The following LAMP2 variants were observed in gnomAD, a reference collection of about 807,000 sequenced individuals.
The protein encoded by LAMP2 is lysosome associated membrane protein 2, also known as lysosome-associated membrane glycoprotein 2.
A neutral mutation model predicts 25.6 loss-of-function variants in LAMP2; 4 were observed. The observed-to-expected ratio is 0.16, with a 90% CI of 0.08 to 0.36. LAMP2 has a LOEUF of 0.36. Ranked by LOEUF, LAMP2 falls within the 10% of genes least tolerant of loss-of-function variation. The pLI is 1.00. For missense variants in LAMP2, 272 were observed against 301.4 expected (o/e 0.90, Z 0.72); for synonymous variants, 108 against 112.7 (o/e 0.96, Z 0.27).
chrX:120,435,421 A>G (rs747075713), intron 8 of LAMP2, among the ~76,000 whole-genome samples: 2 of 111,885 alleles, frequency 1.8e-5, no homozygotes, highest in East Asian at 5.6e-4. Context: ...ACAATTTAAC[A>G]TTATCTACCT....
At chrX:120,438,827 T>C in intron 8 of LAMP2, 1 of 841,094 alleles carries the variant, frequency 1.2e-6, no homozygotes, top group Non-Finnish European at 1.4e-6. Context: ...TCAAAAATTG[T>C]TTTTTCTAAA....
In LAMP2 at chrX:120,427,809, T is replaced by C. The variant is rs2058504622; in HGVS notation, c.*3514A>G. Reference sequence around the variant, plus strand: ...CTGGAGGTCTTACTTCATCCTTCAGTATAAATGTCAAGTCTGAGATAATCA... The same window carrying C: ...CTGGAGGTCTTACTTCATCCTTCAGCATAAATGTCAAGTCTGAGATAATCA... On this transcript the variant is annotated 3_prime_UTR_variant, in exon 9 of 9. Transcript: ENST00000200639. 3 of 111,532 alleles carry C rather than the reference T, an allele frequency of 2.7e-5. No homozygotes were observed. Among genetic ancestry groups the C allele is most frequent in the Non-Finnish European group, 5.7e-5 (3 of 53,054 alleles). The allele number at this position is 111,532 out of a possible 1,213,427, so 9.2% of individuals were successfully genotyped here.
intron 7 of LAMP2, among the ~76,000 whole-genome samples, chrX:120,442,276 T>C (rs1197558574): frequency 9.6e-6 from 1 of 103,798 alleles, no homozygotes; most frequent in Non-Finnish European, 2.0e-5. Context: ...GGTTTTTCAG[T>C]GAAGGCCTGG....
intron 2 of LAMP2, among the ~76,000 whole-genome samples, chrX:120,456,208 G>GT (rs768302957): frequency 1.8e-5 from 2 of 108,171 alleles, no homozygotes; most frequent in African/African-American, 6.7e-5. Context: ...AATTTTTAAA[G>GT]TTTTTTTGTA....
chrX:120,455,395 GTGT>G lies in LAMP2; in HGVS notation c.356_358del (p.Asn119del). The G allele has an allele frequency of 1.7e-6, 2 of 1,209,435 alleles. No homozygotes were observed. Among genetic ancestry groups the G allele is most frequent in the Non-Finnish European group, 1.1e-6 (1 of 893,647 alleles). ...ATCAGGAAATGTTGTGTTATCACCA[GTGT>G]TGTAGGAAAATGAGACGCTGTCAAT... On this transcript the variant is annotated inframe_deletion, in exon 3 of 9. Coordinates refer to ENST00000200639, the MANE Select transcript of LAMP2 (RefSeq NM_002294.3).
Position 120,429,080 on chromosome X carries a change from A to G in LAMP2, c.*2243T>C. On this transcript the variant is annotated 3_prime_UTR_variant, in exon 9 of 9. Coordinates refer to ENST00000200639, the MANE Select transcript of LAMP2 (RefSeq NM_002294.3). ...AAGAATGTAGTATATATATACATAT[A>G]TATGTGTGTGTATATATATGTGTAT... is the stretch of plus-strand genomic sequence containing the variant. 1.6e-5 allele frequency: 9 copies of G among 547,231 alleles called. No individual in the cohort carries two copies. Among genetic ancestry groups the G allele is most frequent in the Non-Finnish European group, 2.0e-5 (9 of 452,725 alleles). The allele number at this position is 547,231 out of a possible 1,213,427, so 45.1% of individuals were successfully genotyped here. A position where few individuals can be genotyped will look rare whatever the true frequency, so the allele number is the denominator to read the frequency against.
chrX:120,436,170 A>ACACTCTCTCTCT (rs1251901451), intron 8 of LAMP2, among the ~76,000 whole-genome samples: 26 of 57,300 alleles, frequency 4.5e-4, no homozygotes, highest in African/African-American at 1.1e-3. Context: ...ACACACACAC[A>ACACTCTCTCTCT]CTCTCTCTCT....
chrX:120,469,291 A>C lies in LAMP2; in HGVS notation c.-122T>G. On this transcript the variant is annotated 5_prime_UTR_variant, in exon 1 of 9. Transcript: ENST00000200639. Reference sequence around the variant, plus strand: ...TGATGACCACCGACCACAGCCTTGCAAAAGCCAGGAATCGGCGCTTCAGTG... The same window carrying C: ...TGATGACCACCGACCACAGCCTTGCCAAAGCCAGGAATCGGCGCTTCAGTG... The C allele has an allele frequency of 1.5e-6, 1 of 687,067 alleles. No homozygotes were observed. Among genetic ancestry groups the C allele is most frequent in the Non-Finnish European group, 2.3e-6 (1 of 439,146 alleles). 56.6% of individuals were successfully genotyped at this position (687,067 alleles called of 1,213,427 possible). A position where few individuals can be genotyped will look rare whatever the true frequency, so the allele number is the denominator to read the frequency against.
In LAMP2 at chrX:120,426,659, T is replaced by C. The variant is rs894257602; in HGVS notation, c.*4664A>G. ...AATGTATCTGAATTTCCAGTTTATA[T>C]GCTTAGCAAGGTCACAAGCTGATTT... On this transcript the variant is annotated 3_prime_UTR_variant, in exon 9 of 9. Transcript: ENST00000200639. Among the ~76,000 whole-genome samples the C allele has an allele frequency of 3.6e-5, 4 of 112,054 alleles. No homozygotes were observed. Among genetic ancestry groups the C allele is most frequent in the Non-Finnish European group, 5.6e-5 (3 of 53,121 alleles).
At position 120,428,609 on chromosome X, in the gene LAMP2, C is replaced by G; in HGVS notation, c.*2714G>C. ...GGAATAAGAAAGTTGAGGTCAGAGT[C>G]AGCAGAACATTCTTCAGCTGTTAGA... On this transcript the variant is annotated 3_prime_UTR_variant, in exon 9 of 9. Coordinates refer to ENST00000200639, the MANE Select transcript of LAMP2 (RefSeq NM_002294.3). 1 of 1,190,464 alleles carries G rather than the reference C, an allele frequency of 8.4e-7. No homozygotes were observed. Among genetic ancestry groups the G allele is most frequent in the South Asian group, 1.9e-5 (1 of 52,490 alleles).
chrX:120,434,850 C>T (rs890687521), intron 8 of LAMP2, among the ~76,000 whole-genome samples: 2 of 111,853 alleles, frequency 1.8e-5, no homozygotes, highest in African/African-American at 3.2e-5. Context: ...CAGTTGAGGC[C>T]AGGCACAGCG....
At chrX:120,440,562 T>G (rs1224441657) in intron 8 of LAMP2, among the ~76,000 whole-genome samples, 1 of 112,000 alleles carries the variant, frequency 8.9e-6, no homozygotes, top group African/African-American at 3.2e-5. Flanking sequence ...AACCAAAGTT[T>G]CAAAGTAAGA....
At chrX:120,468,093 A>T (rs911866309) in intron 1 of LAMP2, among the ~76,000 whole-genome samples, 1 of 111,476 alleles carries the variant, frequency 9.0e-6, no homozygotes, top group East Asian at 2.8e-4. Context: ...CCTGGTAACA[A>T]CCCAATCCTT....
chrX:120,435,668 C>A (rs12842743), intron 8 of LAMP2, among the ~76,000 whole-genome samples: 8,747 of 111,450 alleles, frequency 0.078, 813 homozygotes, highest in African/African-American at 0.26. Context: ...GATTTTAAAG[C>A]CCCCACCCAC....
rs189325330 is a variant in LAMP2 at position 120,453,749 on chromosome X, A to C, written c.397+1608T>G. Among the ~76,000 whole-genome samples the C allele has an allele frequency of 5.5e-3, 617 of 112,375 alleles. 7 individuals carry two copies. Among genetic ancestry groups the C allele is most frequent in the African/African-American group, 0.019 (581 of 30,974 alleles). On this transcript the variant is annotated intron_variant, in intron 3 of 8. Transcript: ENST00000200639. ...CTTGAACCTGGGAGGCGGAGGTTGC[A>C]GTAAGCCGAGATCAGGCCACTGCAC...
intron 8 of LAMP2, chrX:120,438,766 T>A: frequency 1.2e-6 from 1 of 820,196 alleles, no homozygotes; most frequent in Non-Finnish European, 1.5e-6. Flanking sequence ...AAATCCACGG[T>A]AGAACATGTT....
rs876657484 is a variant in LAMP2, at chrX:120,447,925, T to C, written c.657A>G (p.Glu219=). 1 of 1,208,611 alleles carries C rather than the reference T, an allele frequency of 8.3e-7. No individual in the cohort carries two copies. The highest frequency in any genetic ancestry group is 1.7e-5 in the African/African-American group (1 of 57,147). The change falls in exon 5 of 9, where the codon GAA becomes GAG. Residue 219 remains glutamate, a synonymous_variant. Coordinates refer to ENST00000200639, the MANE Select transcript of LAMP2 (RefSeq NM_002294.3). The part of the protein sequence containing the change: ...TTTPTPKEKP[E]AGTYSVNNGN... ...CATTATTAACTGAATAGGTTCCAGC[T>C]TCTGGTTTTTCCTTTGGAGTAGGTG...
chrX:120,445,948 C>T (rs778037403), intron 6 of LAMP2, among the ~76,000 whole-genome samples: 1 of 112,234 alleles, frequency 8.9e-6, no homozygotes, highest in South Asian at 3.7e-4. Flanking sequence ...AACATGAGCA[C>T]TACCTAACCA....
intron 7 of LAMP2, among the ~76,000 whole-genome samples, chrX:120,442,216 G>A (rs2058576118): frequency 2.2e-5 from 2 of 92,722 alleles, no homozygotes; most frequent in East Asian, 3.3e-4. Flanking sequence ...GGCATAGAGC[G>A]AGACCCTGTC....
Sources: gnomAD v4.1 joint callset for allele counts (sites outside exome capture counted in the v4.1 genomes callset) on GRCh38, gnomAD v4.1.1 for gene constraint, MANE v1.5 for transcripts, NCBI Gene and HGNC (gene_info 2026-07-23, HGNC 2026-07-21) for gene names.